The following NCKAP5 variants were observed in gnomAD, a reference collection of about 807,000 sequenced individuals.
The protein encoded by NCKAP5 is nck-associated protein 5.
Under a neutral mutation model 167.0 loss-of-function variants are expected in NCKAP5, and 92 were observed. That is an observed-to-expected ratio of 0.55 (90% CI 0.47 to 0.66). The LOEUF (loss-of-function observed/expected upper bound fraction) is 0.66. Ranked by LOEUF, NCKAP5 falls within the 30% of genes least tolerant of loss-of-function variation. NCKAP5 has a pLI of 0.00. For missense variants in NCKAP5, 2,378 were observed against 2,315.0 expected, an observed-to-expected ratio of 1.03 and a Z score of -0.56; for synonymous variants, 891 against 877.4, an observed-to-expected ratio of 1.02 and a Z score of -0.27.
Position 133,132,006 on chromosome 2 carries a change from C to T in NCKAP5, c.208-1895G>A, listed in dbSNP as rs528645939. On this transcript the variant is annotated intron_variant, in intron 5 of 19. Coordinates refer to ENST00000409261, the MANE Select transcript of NCKAP5 (RefSeq NM_207363.3). ...ACGCTAAATAGTTCAAAAGTACATG[C>T]TACGAAGAATGTGAAGTTCACACCT... is the stretch of plus-strand genomic sequence containing the variant. Among the ~76,000 whole-genome samples the T allele has an allele frequency of 4.6e-5, 7 of 152,044 alleles. No homozygotes were observed. The South Asian group carries it at 1.5e-3, about 32-fold the overall frequency.
At chr2:133,561,208 T>C (rs1280160344) in intron 1 of NCKAP5, among the ~76,000 whole-genome samples, 1 of 152,332 alleles carries the variant, frequency 6.6e-6, no homozygotes, top group East Asian at 1.9e-4. Context: ...CTGTTGGCAA[T>C]TGGCCTGTAT....
At chr2:132,904,162 C>T (rs1370146028) in intron 8 of NCKAP5, among the ~76,000 whole-genome samples, 1 of 151,948 alleles carries the variant, frequency 6.6e-6, no homozygotes, top group Non-Finnish European at 1.5e-5. Flanking sequence ...GTGGCGAGTG[C>T]TTGTAGTCCC....
chr2:133,011,934 TG>T (rs763560481), intron 6 of NCKAP5, among the ~76,000 whole-genome samples: 178 of 152,312 alleles, frequency 1.2e-3, no homozygotes, highest in Non-Finnish European at 1.9e-3. Context: ...CTCTTTTGCA[TG>T]GCTATTGCTG....
the NCKAP5 span, among the ~76,000 whole-genome samples, chr2:133,601,576 T>TA: frequency 1.3e-5 from 2 of 151,670 alleles, no homozygotes; most frequent in African/African-American, 2.4e-5. Context: ...CTAAAAAAAA[T>TA]AAAAAAATTA....
intron 4 of NCKAP5, among the ~76,000 whole-genome samples, chr2:133,235,810 A>AAG (rs1370275945): frequency 6.6e-5 from 10 of 151,868 alleles, no homozygotes; most frequent in Non-Finnish European, 1.3e-4. Flanking sequence ...AGGCTGAGGC[A>AAG]GGAGAATCAC....
Position 133,012,400 on chromosome 2 carries a change from G to A in NCKAP5, c.342-18161C>T, listed in dbSNP as rs553955039. On this transcript the variant is annotated intron_variant, in intron 6 of 19. Transcript: ENST00000409261. ...GCAGCTGGGACTACAGGTGCACGCCGCCATGCCTGGCTAAGTTTTTGTATT... is the reference window on the plus strand; with the variant it reads ...GCAGCTGGGACTACAGGTGCACGCCACCATGCCTGGCTAAGTTTTTGTATT... 1.9e-3 allele frequency among the ~76,000 whole-genome samples: 289 copies of A among 152,100 alleles called. 4 individuals are homozygous for A. The highest frequency in any genetic ancestry group is 3.2e-4 in the Non-Finnish European group (22 of 67,976).
intron 5 of NCKAP5, among the ~76,000 whole-genome samples, chr2:133,210,066 G>A (rs1315635782): frequency 6.6e-6 from 1 of 151,724 alleles, no homozygotes; most frequent in South Asian, 2.1e-4. Context: ...TTTGGAAGCT[G>A]AGGCAAGAGC....
rs181398403 is a variant in NCKAP5 at position 133,185,757 on chromosome 2, A to G, written c.207+27959T>C. On this transcript the variant is annotated intron_variant, in intron 5 of 19. Coordinates refer to ENST00000409261, the MANE Select transcript of NCKAP5 (RefSeq NM_207363.3). ...GGGTTGTATTCTTGATTTGGTTCTC[A>G]GCTAGAATATTATTAGTGTAAAGAA... Among the ~76,000 whole-genome samples, 349 of 152,074 alleles carry G rather than the reference A, an allele frequency of 2.3e-3. 1 individual carries two copies. The highest frequency in any genetic ancestry group is 4.1e-3 in the Non-Finnish European group (281 of 67,966).
At chr2:133,337,907 G>A (rs1242391799) in intron 3 of NCKAP5, among the ~76,000 whole-genome samples, 1 of 152,084 alleles carries the variant, frequency 6.6e-6, no homozygotes, top group Admixed American at 6.6e-5. Flanking sequence ...GCTGTAGCAC[G>A]GGATGCATAT....
rs569943974 is a variant in NCKAP5 at position 133,282,695 on chromosome 2, T to C, written c.143+20342A>G. Among the ~76,000 whole-genome samples the C allele has an allele frequency of 1.9e-3, 296 of 152,334 alleles. 1 individual carries two copies. The highest frequency in any genetic ancestry group is 6.8e-3 in the African/African-American group (284 of 41,568). On this transcript the variant is annotated intron_variant, in intron 4 of 19. Transcript: ENST00000409261. Reference sequence around the variant, plus strand: ...ATATGAATGAATCTCTTCTAATCTGTGGTTTAGAAGGCTTACACCAGGCTA... The same window carrying C: ...ATATGAATGAATCTCTTCTAATCTGCGGTTTAGAAGGCTTACACCAGGCTA...
chr2:133,064,159 T>C (rs914221937), intron 6 of NCKAP5, among the ~76,000 whole-genome samples: 2 of 152,236 alleles, frequency 1.3e-5, no homozygotes, highest in African/African-American at 4.8e-5. Context: ...CATCTTTGTC[T>C]TGGCATGGGT....
At chr2:132,687,394 T>G (rs575324616) in intron 19 of NCKAP5, among the ~76,000 whole-genome samples, 15 of 152,238 alleles carry the variant, frequency 9.9e-5, no homozygotes, top group South Asian at 2.1e-4. Context: ...AGGGGAAAAT[T>G]ATCTTTTCTT....
At chr2:133,614,493 G>T in the NCKAP5 span, among the ~76,000 whole-genome samples, 1 of 151,942 alleles carries the variant, frequency 6.6e-6, no homozygotes, top group East Asian at 1.9e-4. Flanking sequence ...CGAGAACTAC[G>T]TGAAGAATGC....
chr2:133,588,237 T>C, the NCKAP5 span, among the ~76,000 whole-genome samples: 1 of 151,886 alleles, frequency 6.6e-6, no homozygotes, highest in African/African-American at 2.4e-5. Flanking sequence ...GATTCTGGCT[T>C]AATGGGGACT....
chr2:133,582,873 T>C, the NCKAP5 span, among the ~76,000 whole-genome samples: 2 of 152,186 alleles, frequency 1.3e-5, no homozygotes, highest in Admixed American at 6.5e-5. Context: ...GGTAGGGATA[T>C]ACTGTTTTTT....
chr2:133,214,792 T>A (rs1036460321), intron 4 of NCKAP5, among the ~76,000 whole-genome samples: 1 of 152,162 alleles, frequency 6.6e-6, no homozygotes, highest in African/African-American at 2.4e-5. Flanking sequence ...TTGAGTGACA[T>A]TTCATCCCTT....
chr2:133,647,843 G>C, the NCKAP5 span, among the ~76,000 whole-genome samples: 1 of 151,978 alleles, frequency 6.6e-6, no homozygotes, highest in Non-Finnish European at 1.5e-5. Flanking sequence ...GCAGGGCAGG[G>C]CTAACAGAAA....
At chr2:132,781,899 G>A in intron 14 of NCKAP5, 41 bp downstream of exon 14, 1 of 1,552,502 alleles carries the variant, frequency 6.4e-7, no homozygotes, top group African/African-American at 1.4e-5. Flanking sequence ...AGGTGGTGGA[G>A]GGACCCCTCT....
chr2:132,749,647 G>A (rs1679940639), intron 16 of NCKAP5, among the ~76,000 whole-genome samples: 1 of 152,092 alleles, frequency 6.6e-6, no homozygotes, highest in South Asian at 2.1e-4. Flanking sequence ...CAGACCTAAT[G>A]AGAAGAGGTT....
Sources: allele counts gnomAD v4.1 joint callset (sites outside exome capture counted in the v4.1 genomes callset), GRCh38; gene constraint gnomAD v4.1.1; transcripts MANE v1.5; gene names NCBI Gene and HGNC (gene_info 2026-07-23, HGNC 2026-07-21).